TCF7L1: variants seen among roughly 807,000 people sequenced by gnomAD.
TCF7L1 encodes transcription factor 7 like 1, also known as transcription factor 7-like 1.
TCF7L1 carries 18 observed loss-of-function variants against 63.7 expected under a neutral mutation model. The ratio of observed to expected loss-of-function variants is 0.28; its 90% CI spans 0.20 to 0.42. TCF7L1 has a LOEUF of 0.42. Among genes scored for constraint, TCF7L1 ranks in the 10% least tolerant of loss-of-function variants. The probability of loss-of-function intolerance (pLI) is 1.00; values close to 1 mark genes in which losing one functional copy is unlikely to be tolerated. For synonymous variants in TCF7L1, 355 were observed against 340.9 expected, an observed-to-expected ratio of 1.04 and a Z score of -0.46; for missense variants, 654 against 779.3, an observed-to-expected ratio of 0.84 and a Z score of 1.91.
chr2:85,294,128 C>G (rs1473001880), intron 4 of TCF7L1, among the ~76,000 whole-genome samples: 5 of 148,400 alleles, frequency 3.4e-5, no homozygotes, highest in Non-Finnish European at 4.4e-5. Context: ...GCTCCACTTC[C>G]CGGATTCACG....
intron 3 of TCF7L1, among the ~76,000 whole-genome samples, chr2:85,176,987 A>C (rs1386124980): frequency 2.2e-5 from 2 of 91,134 alleles, no homozygotes; most frequent in South Asian, 6.3e-4. Flanking sequence ...ACTCTGTCTC[A>C]AAAAAAAAAA....
At chr2:85,268,174 G>A (rs756744581) in intron 3 of TCF7L1, among the ~76,000 whole-genome samples, 2 of 152,178 alleles carry the variant, frequency 1.3e-5, no homozygotes, top group Non-Finnish European at 1.5e-5. Context: ...CAGTGGCAGC[G>A]GACTTTCCCA....
chr2:85,245,763 C>T (rs1311285693), intron 3 of TCF7L1, among the ~76,000 whole-genome samples: 1 of 151,214 alleles, frequency 6.6e-6, no homozygotes, highest in Non-Finnish European at 1.5e-5. Context: ...GGCAGTGAGC[C>T]GAGATCGCAC....
chr2:85,153,490 C>T (rs569716693), intron 3 of TCF7L1, among the ~76,000 whole-genome samples: 2 of 151,836 alleles, frequency 1.3e-5, no homozygotes, highest in African/African-American at 4.8e-5. Context: ...TATAGGTGCC[C>T]ACCACCACGC....
chr2:85,161,854 A>C (rs1382761748), intron 3 of TCF7L1, among the ~76,000 whole-genome samples: 2 of 151,946 alleles, frequency 1.3e-5, no homozygotes, highest in African/African-American at 4.8e-5. Flanking sequence ...GGGTCTTTCG[A>C]GGCAGAGCTC....
intron 3 of TCF7L1, among the ~76,000 whole-genome samples, chr2:85,256,231 C>T (rs1021689135): frequency 1.0e-4 from 15 of 144,890 alleles, no homozygotes; most frequent in African/African-American, 3.5e-4. Context: ...CCCAGTACAT[C>T]GATGGTGCGT....
chr2:85,278,665 A>C (rs1173142544), intron 3 of TCF7L1, among the ~76,000 whole-genome samples: 1 of 152,248 alleles, frequency 6.6e-6, no homozygotes, highest in African/African-American at 2.4e-5. Context: ...AATGAGGTAA[A>C]GACATGTTTT....
intron 4 of TCF7L1, among the ~76,000 whole-genome samples, chr2:85,286,152 T>C (rs1681543685): frequency 6.8e-6 from 1 of 146,638 alleles, no homozygotes; most frequent in Non-Finnish European, 1.5e-5. Context: ...GATTGTGCCA[T>C]TGAACCCCAG....
At chr2:85,280,516 GA>G (rs1681385754) in intron 3 of TCF7L1, among the ~76,000 whole-genome samples, 2 of 152,192 alleles carry the variant, frequency 1.3e-5, no homozygotes, top group Admixed American at 6.5e-5. Context: ...AAGCCAACAA[GA>G]ATGAATGTGT....
chr2:85,249,430 G>A (rs1049494548), intron 3 of TCF7L1, among the ~76,000 whole-genome samples: 1 of 152,196 alleles, frequency 6.6e-6, no homozygotes, highest in Non-Finnish European at 1.5e-5. Flanking sequence ...AGAATCTGAG[G>A]ATATGTTTGT....
At chr2:85,234,131 C>CTTTTTTTTTTTTTTTTTTTTTTTTTTT (rs35508338) in intron 3 of TCF7L1, among the ~76,000 whole-genome samples, 1 of 65,238 alleles carries the variant, frequency 1.5e-5, no homozygotes, top group Non-Finnish European at 2.8e-5. Flanking sequence ...TTTTTCTTTT[C>CTTTTTTTTTTTTTTTTTTTTTTTTTTT]TTTTTTTTTT....
intron 3 of TCF7L1, among the ~76,000 whole-genome samples, chr2:85,188,347 A>G (rs931924769): frequency 1.3e-5 from 2 of 152,266 alleles, no homozygotes; most frequent in Admixed American, 6.5e-5. Context: ...CCTAGTTTTG[A>G]TAGCATGCTA....
At chr2:85,173,480 C>G (rs931767403) in intron 3 of TCF7L1, among the ~76,000 whole-genome samples, 1 of 152,196 alleles carries the variant, frequency 6.6e-6, no homozygotes, top group African/African-American at 2.4e-5. Flanking sequence ...TTGATTACAG[C>G]ACAGGGTACC....
Position 85,244,830 on chromosome 2 carries a change from C to T in TCF7L1, c.442-38665C>T, listed in dbSNP as rs575796378. ...GAAAAAAAGAGGTCAAGGGCTGAGCCGTGGGCACTACAGCTTTTGCACACT... is the reference window on the plus strand; with the variant it reads ...GAAAAAAAGAGGTCAAGGGCTGAGCTGTGGGCACTACAGCTTTTGCACACT... On this transcript the variant is annotated intron_variant, in intron 3 of 11. Coordinates refer to ENST00000282111, the MANE Select transcript of TCF7L1 (RefSeq NM_031283.3). 2.5e-3 allele frequency among the ~76,000 whole-genome samples: 383 copies of T among 152,158 alleles called. 1 individual carries two copies. Among genetic ancestry groups the T allele is most frequent in the Middle Eastern group, 0.01 (3 of 294 alleles).
intron 3 of TCF7L1, among the ~76,000 whole-genome samples, chr2:85,228,851 TAA>T (rs1046062620): frequency 1.4e-5 from 2 of 138,812 alleles, no homozygotes; most frequent in African/African-American, 5.3e-5. Context: ...CCATCTCTCC[TAA>T]AAAAAAAAAT....
chr2:85,292,371 T>C (rs1681747956), intron 4 of TCF7L1, among the ~76,000 whole-genome samples: 1 of 152,050 alleles, frequency 6.6e-6, no homozygotes, highest in Admixed American at 6.6e-5. Flanking sequence ...GTAGCTGCCT[T>C]TGGGAAGTGG....
chr2:85,307,786 C>G, intron 11 of TCF7L1, 69 bp downstream of exon 11: 1 of 1,411,282 alleles, frequency 7.1e-7, no homozygotes, highest in Non-Finnish European at 1.0e-6. Context: ...CCCATGCTGT[C>G]TCTAGCTCCC....
chr2:85,304,225 T>G, intron 6 of TCF7L1, 30 bp from the exon 7 acceptor site: 2 of 1,601,762 alleles, frequency 1.2e-6, no homozygotes, highest in Non-Finnish European at 1.7e-6. Flanking sequence ...GCTTTCCCAA[T>G]ATGCTGACCA....
chr2:85,290,615 G>A (rs1302564736), intron 4 of TCF7L1, among the ~76,000 whole-genome samples: 1 of 152,138 alleles, frequency 6.6e-6, no homozygotes, highest in African/African-American at 2.4e-5. Flanking sequence ...AGCTTAGCTT[G>A]GTATGAAAAG....
Sources: gnomAD v4.1 joint callset for allele counts (sites outside exome capture counted in the v4.1 genomes callset) on GRCh38, gnomAD v4.1.1 for gene constraint, MANE v1.5 for transcripts, NCBI Gene and HGNC (gene_info 2026-07-23, HGNC 2026-07-21) for gene names.